BMPR2: variants seen among roughly 807,000 people sequenced by gnomAD.
The protein encoded by BMPR2 is bone morphogenetic protein receptor type-2.
In BMPR2, 29 loss-of-function variants were observed where a neutral mutation model predicts 100.8. The ratio of observed to expected loss-of-function variants is 0.29; its 90% CI spans 0.21 to 0.39. BMPR2 has a LOEUF of 0.39. Among genes scored for constraint, BMPR2 ranks in the 10% least tolerant of loss-of-function variants. BMPR2 has a pLI of 1.00. For synonymous variants in BMPR2, 382 were observed against 442.3 expected (o/e 0.86, Z 1.71); for missense variants, 1,011 against 1,274.5 (o/e 0.79, Z 3.15).
chr2:202,433,130 CTT>C (rs974631143), intron 1 of BMPR2, among the ~76,000 whole-genome samples: 1 of 150,492 alleles, frequency 6.6e-6, no homozygotes, highest in Non-Finnish European at 1.5e-5. Context: ...AAGAATGTTA[CTT>C]TGCTAGATCT....
chr2:202,530,337 C>T (rs1287712459), intron 7 of BMPR2, among the ~76,000 whole-genome samples: 3 of 152,260 alleles, frequency 2.0e-5, no homozygotes, highest in South Asian at 2.1e-4. Flanking sequence ...CAGGGCAGAA[C>T]TGGAATGTGC....
chr2:202,467,727 C>A (rs533667407), intron 3 of BMPR2, 38 bp downstream of exon 3: 2 of 1,572,096 alleles, frequency 1.3e-6, no homozygotes, highest in Non-Finnish European at 1.8e-6. Flanking sequence ...TATTTCCTTT[C>A]TCCAAAGATT....
chr2:202,549,534 A>G (rs2106038533), intron 10 of BMPR2, among the ~76,000 whole-genome samples: 1 of 152,262 alleles, frequency 6.6e-6, no homozygotes, highest in East Asian at 1.9e-4. Flanking sequence ...GACCGGGCGC[A>G]GTGGCGGAGT....
intron 1 of BMPR2, among the ~76,000 whole-genome samples, chr2:202,448,490 T>A (rs1691902545): frequency 6.7e-6 from 1 of 149,500 alleles, no homozygotes; most frequent in South Asian, 2.1e-4. Context: ...AAAGTGTTGC[T>A]CTGTCGCCCA....
chr2:202,429,904 C>T (rs907312124), intron 1 of BMPR2, among the ~76,000 whole-genome samples: 4 of 152,094 alleles, frequency 2.6e-5, no homozygotes, highest in African/African-American at 7.2e-5. Context: ...TCCCTTGACA[C>T]GTGGGGATTA....
chr2:202,499,260 A>T (rs548271216), intron 3 of BMPR2, among the ~76,000 whole-genome samples: 9 of 152,208 alleles, frequency 5.9e-5, no homozygotes, highest in Admixed American at 1.3e-4. Context: ...CCTTGGAGAG[A>T]TGTCATGCTA....
chr2:202,465,258 G>A (rs899278074), intron 2 of BMPR2, among the ~76,000 whole-genome samples: 1 of 151,858 alleles, frequency 6.6e-6, no homozygotes, highest in Non-Finnish European at 1.5e-5. Context: ...GTATGGTGGT[G>A]TGCGCCTGTG....
chr2:202,424,959 A>C (rs1479447647), intron 1 of BMPR2, among the ~76,000 whole-genome samples: 2 of 145,572 alleles, frequency 1.4e-5, no homozygotes. Flanking sequence ...TTGAGCAAAC[A>C]TTTTTTTTTT....
chr2:202,544,331 T>C (rs1034365300), intron 10 of BMPR2, among the ~76,000 whole-genome samples: 11 of 152,174 alleles, frequency 7.2e-5, no homozygotes, highest in Non-Finnish European at 1.3e-4. Flanking sequence ...AGTATGTGTA[T>C]GGTGGTAAAC....
chr2:202,414,218 C>A (rs1691076998), intron 1 of BMPR2, among the ~76,000 whole-genome samples: 1 of 152,154 alleles, frequency 6.6e-6, no homozygotes, highest in African/African-American at 2.4e-5. Context: ...GATTTGTGAT[C>A]AGTGATCTTT....
Position 202,559,939 on chromosome 2 carries a change from GTC to G in BMPR2, c.3112_3113del (p.Leu1038ValfsTer23). 1 of 1,614,018 alleles carries G rather than the reference GTC, an allele frequency of 6.2e-7. No individual in the cohort carries two copies. The highest frequency in any genetic ancestry group is 8.5e-7 in the Non-Finnish European group (1 of 1,180,014). On this transcript the variant is annotated frameshift_variant, in exon 13 of 13. Coordinates refer to ENST00000374580, the MANE Select transcript of BMPR2 (RefSeq NM_001204.7). LOFTEE classifies it high-confidence loss of function. ...GTGTCTAAAGATATAGGAATGAACT[GTC>G]TGTGAAATGTTTTCAAGCCTATGGA...
chr2:202,431,790 A>C (rs998316534), intron 1 of BMPR2, among the ~76,000 whole-genome samples: 2 of 150,582 alleles, frequency 1.3e-5, no homozygotes, highest in Admixed American at 6.6e-5. Context: ...ATGTTCATAC[A>C]ATAACAAAAT....
chr2:202,477,289 A>T, intron 3 of BMPR2, among the ~76,000 whole-genome samples: 1 of 152,076 alleles, frequency 6.6e-6, no homozygotes, highest in East Asian at 1.9e-4. Context: ...TATTACAAAC[A>T]TCCTCCCCCA....
chr2:202,437,165 C>T lies in BMPR2; in HGVS notation c.77-27644C>T, dbSNP rs1465609613. Among the ~76,000 whole-genome samples the T allele has an allele frequency of 4.7e-5, 7 of 150,214 alleles. 1 individual carries two copies. Among genetic ancestry groups the T allele is most frequent in the African/African-American group, 1.8e-4 (7 of 39,602 alleles). Reference sequence around the variant, plus strand: ...GGATTACAGGCGGGCGCCACCACGCCCAGCTAATTTTTATATTTTTAGTAG... The same window carrying T: ...GGATTACAGGCGGGCGCCACCACGCTCAGCTAATTTTTATATTTTTAGTAG... On this transcript the variant is annotated intron_variant, in intron 1 of 12. Transcript: ENST00000374580.
chr2:202,468,806 GC>G (rs1692375392), intron 3 of BMPR2, among the ~76,000 whole-genome samples: 1 of 151,986 alleles, frequency 6.6e-6, no homozygotes, highest in Non-Finnish European at 1.5e-5. Flanking sequence ...AATATTAGAT[GC>G]AAAAAGTACA....
intron 3 of BMPR2, among the ~76,000 whole-genome samples, chr2:202,494,571 T>A (rs1435443503): frequency 6.6e-6 from 1 of 152,172 alleles, no homozygotes; most frequent in Non-Finnish European, 1.5e-5. Context: ...TAAGCCCAAC[T>A]ATTGCACAGG....
chr2:202,444,111 C>T (rs1691802866), intron 1 of BMPR2, among the ~76,000 whole-genome samples: 1 of 150,620 alleles, frequency 6.6e-6, no homozygotes, highest in African/African-American at 2.5e-5. Flanking sequence ...AACTTTATGG[C>T]CCTAAAGAAA....
chr2:202,391,464 C>T lies in BMPR2; in HGVS notation c.76+13914C>T, dbSNP rs191789020. 4.6e-3 allele frequency among the ~76,000 whole-genome samples: 695 copies of T among 151,942 alleles called. 1 individual carries two copies. Among genetic ancestry groups the T allele is most frequent in the Non-Finnish European group, 7.3e-3 (495 of 67,974 alleles). ...GGACTACAAGTGTGTACCACCATGC[C>T]CGGCTAATTTTTTTATTTTTTGTAG... On this transcript the variant is annotated intron_variant, in intron 1 of 12. Coordinates refer to ENST00000374580, the MANE Select transcript of BMPR2 (RefSeq NM_001204.7).
intron 1 of BMPR2, among the ~76,000 whole-genome samples, chr2:202,395,766 G>C (rs1395967535): frequency 6.6e-6 from 1 of 151,794 alleles, no homozygotes; most frequent in East Asian, 1.9e-4. Flanking sequence ...CAAAACCCCG[G>C]CTCTACTAAA....
Sources: allele counts gnomAD v4.1 joint callset (sites outside exome capture counted in the v4.1 genomes callset), GRCh38; gene constraint gnomAD v4.1.1; transcripts MANE v1.5; gene names NCBI Gene and HGNC (gene_info 2026-07-23, HGNC 2026-07-21).